The following KCNAB2 variants were observed in gnomAD, a reference collection of about 807,000 sequenced individuals.
KCNAB2 encodes the protein potassium voltage-gated channel subfamily A regulatory beta subunit 2.
A neutral mutation model predicts 63.6 loss-of-function variants in KCNAB2; 29 were observed. That is an observed-to-expected ratio of 0.46 (90% CI 0.34 to 0.62). KCNAB2 has a LOEUF of 0.62. KCNAB2 is among the 20% of genes least tolerant of loss of function. The pLI, the probability that KCNAB2 is intolerant of heterozygous loss-of-function variation, is 0.01. For missense variants in KCNAB2, 359 were observed against 563.9 expected, an observed-to-expected ratio of 0.64 and a Z score of 3.68; for synonymous variants, 222 against 224.2, an observed-to-expected ratio of 0.99 and a Z score of 0.09.
chr1:6,073,235 C>T lies in KCNAB2; in HGVS notation c.262+437C>T, dbSNP rs559764755. On this transcript the variant is annotated intron_variant, in intron 3 of 15. Transcript: ENST00000378083. This position sits in a 1 kb window ranked among gnomAD's most constrained non-coding sequence, Gnocchi z 5.7. Reference sequence around the variant, plus strand: ...GCCTGTTTCCAGAATGTGCAGTCCCCACCTCCCCTCTGCATGCAGTACACA... The same window carrying T: ...GCCTGTTTCCAGAATGTGCAGTCCCTACCTCCCCTCTGCATGCAGTACACA... 6.6e-6 allele frequency among the ~76,000 whole-genome samples: 1 copy of T among 152,126 alleles called. No individual in the cohort carries two copies. The highest frequency in any genetic ancestry group is 1.9e-4 in the East Asian group (1 of 5,168).
chr1:6,078,401 T>TATTTAGTTGACTGCAGAG lies in KCNAB2; in HGVS notation c.301-3792_301-3775dup, dbSNP rs1245787734. On this transcript the variant is annotated intron_variant, in intron 4 of 15. Transcript: ENST00000378083. This position sits in a 1 kb window ranked among gnomAD's most constrained non-coding sequence, Gnocchi z 4.2. ...GGACGTGATACCTTTGGAGAACCATTATTTAGTTGACTGCAGAGAAGAAAG... is the reference window on the plus strand; with the variant it reads ...GGACGTGATACCTTTGGAGAACCATTATTTAGTTGACTGCAGAGATTTAGTTGACTGCAGAGAAGAAAG... Among the ~76,000 whole-genome samples, 3 of 151,406 alleles carry TATTTAGTTGACTGCAGAG rather than the reference T, an allele frequency of 2.0e-5. No individual in the cohort carries two copies. The highest frequency in any genetic ancestry group is 2.0e-4 in the Admixed American group (3 of 15,234).
rs1188773728 is a variant in KCNAB2, at chr1:6,051,654, G to T, written c.118G>T (p.Val40Leu). Reference sequence around the variant, plus strand: ...GCTGGAACTGCAGCGGCTGCGGGAGGTGCGGGCGGCTGCCCAGGCCAGGAA... The same window carrying T: ...GCTGGAACTGCAGCGGCTGCGGGAGTTGCGGGCGGCTGCCCAGGCCAGGAA... ...DTLELQRLRE[V>L]RAAAQARNME... is the part of the protein sequence containing the mutation. The change falls in exon 2 of 16, where the codon GTG becomes TTG. Residue 40 changes from valine (V) to leucine (L), a missense_variant. Coordinates refer to ENST00000378083, the MANE Select transcript of KCNAB2 (RefSeq NM_001199862.2). The T allele has an allele frequency of 6.5e-7, 1 of 1,534,154 alleles. No homozygotes were observed. Among genetic ancestry groups the T allele is most frequent in the Non-Finnish European group, 8.7e-7 (1 of 1,146,686 alleles).
intron 1 of KCNAB2, among the ~76,000 whole-genome samples, chr1:6,020,092 G>A (rs143282196): frequency 3.9e-5 from 6 of 152,272 alleles, no homozygotes; most frequent in South Asian, 2.1e-4. Flanking sequence ...CTGGGGTCCC[G>A]TCTCTGCATG....
chr1:6,073,699 G>T lies in KCNAB2; in HGVS notation c.263-34G>T. 2 of 1,612,852 alleles carry T rather than the reference G, an allele frequency of 1.2e-6. No individual in the cohort carries two copies. Among genetic ancestry groups the T allele is most frequent in the East Asian group, 2.2e-5 (1 of 44,866 alleles). ...GACGGGATAATCTGGCTTCCTGCCA[G>T]GTTCCTAACTTGAGCCCCTGTGTCT... is the stretch of plus-strand genomic sequence containing the variant. On this transcript the variant is annotated intron_variant, in intron 3 of 15. Transcript: ENST00000378083. The surrounding 1 kb of genome is among the most constrained non-coding windows in gnomAD (Gnocchi z 5.7).
chr1:6,001,745 G>A (rs1303061410), intron 1 of KCNAB2, among the ~76,000 whole-genome samples: 1 of 152,158 alleles, frequency 6.6e-6, no homozygotes. Flanking sequence ...ATCCAGTGTG[G>A]GGCAGTGTTG....
intron 1 of KCNAB2, among the ~76,000 whole-genome samples, chr1:6,021,385 G>GTTTCTT (rs572155358): frequency 6.7e-4 from 102 of 152,308 alleles, no homozygotes; most frequent in African/African-American, 2.4e-3. Flanking sequence ...TGATGCAGAA[G>GTTTCTT]TTTCTTTTTC....
At position 6,073,280 on chromosome 1, in the gene KCNAB2, C is replaced by T. The variant is rs1557483741; in HGVS notation, c.263-453C>T. 6.6e-6 allele frequency among the ~76,000 whole-genome samples: 1 copy of T among 152,062 alleles called. No homozygotes were observed. Among genetic ancestry groups the T allele is most frequent in the African/African-American group, 2.4e-5 (1 of 41,418 alleles). On this transcript the variant is annotated intron_variant, in intron 3 of 15. Coordinates refer to ENST00000378083, the MANE Select transcript of KCNAB2 (RefSeq NM_001199862.2). The surrounding 1 kb of genome is among the most constrained non-coding windows in gnomAD (Gnocchi z 5.7). ...TACACACACCCCCACACACACACCGCCCACTGCAGTACACACACCCCGCCC... is the reference window on the plus strand; with the variant it reads ...TACACACACCCCCACACACACACCGTCCACTGCAGTACACACACCCCGCCC...
rs1210130753 is a variant in KCNAB2 at position 6,046,082 on chromosome 1, C to T, written c.-128C>T. On this transcript the variant is annotated 5_prime_UTR_variant, in exon 1 of 16. Coordinates refer to ENST00000378083, the MANE Select transcript of KCNAB2 (RefSeq NM_001199862.2). ...GCTTCTGACGTCCTGCAGTGACACT[C>T]CCTAATGAAAAAGCCGCTGTGCCAG... 1 of 985,314 alleles carries T rather than the reference C, an allele frequency of 1.0e-6. No homozygotes were observed. Among genetic ancestry groups the T allele is most frequent in the African/African-American group, 1.7e-5 (1 of 57,234 alleles). The allele number at this position is 985,314 out of a possible 1,614,324, so 61.0% of individuals were successfully genotyped here. A position where few individuals can be genotyped will look rare whatever the true frequency, so the allele number is the denominator to read the frequency against.
At chr1:6,027,907 G>C (rs375826453) in intron 1 of KCNAB2, among the ~76,000 whole-genome samples, 3 of 152,160 alleles carry the variant, frequency 2.0e-5, no homozygotes, top group Admixed American at 2.0e-4. Flanking sequence ...ATCCTGACTG[G>C]GATCTCCAAT....
In KCNAB2 at chr1:6,086,184, G is replaced by C; in HGVS notation, c.425+936G>C. On this transcript the variant is annotated intron_variant, in intron 6 of 15. Coordinates refer to ENST00000378083, the MANE Select transcript of KCNAB2 (RefSeq NM_001199862.2). This position sits in a 1 kb window ranked among gnomAD's most constrained non-coding sequence, Gnocchi z 4.2. ...AACATCAGAAGCAGTTATAAAGTTGGGCCTCCCTCCTCCCTCCCCTCGAAA... is the reference window on the plus strand; with the variant it reads ...AACATCAGAAGCAGTTATAAAGTTGCGCCTCCCTCCTCCCTCCCCTCGAAA... 1.0e-6 allele frequency: 1 copy of C among 985,332 alleles called. No individual in the cohort carries two copies. The highest frequency in any genetic ancestry group is 1.2e-6 in the Non-Finnish European group (1 of 829,900). The allele number at this position is 985,332 out of a possible 1,614,324, so 61.0% of individuals were successfully genotyped here. A position where few individuals can be genotyped will look rare whatever the true frequency, so the allele number is the denominator to read the frequency against.
At chr1:6,032,692 A>G (rs1280124056), upstream of KCNAB2, among the ~76,000 whole-genome samples, 1 of 152,186 alleles carries the variant, frequency 6.6e-6, no homozygotes, top group African/African-American at 2.4e-5. Context: ...GGCAGACACC[A>G]CCTTAACCAA....
rs1663425595 is a variant in KCNAB2 at position 6,073,754 on chromosome 1, G to T, written c.284G>T (p.Gly95Val). The T allele has an allele frequency of 1.2e-6, 2 of 1,614,172 alleles. No homozygotes were observed. Among genetic ancestry groups the T allele is most frequent in the Non-Finnish European group, 8.5e-7 (1 of 1,180,022 alleles). ...LGLGTWVTFG[G>V]QITDEMAEQL... The stretch of plus-strand genomic sequence containing the variant: ...CCAGGAACATGGGTGACCTTCGGAG[G>T]CCAGATCACCGATGAGGTAAGATGG... The change falls in exon 4 of 16, where the codon GGC becomes GTC. Residue 95 changes from glycine to valine, a missense_variant. Around this residue, in one of 2 missense-constraint regions of KCNAB2, gnomAD observed 271 missense variants for 476.1 expected, o/e 0.57. Transcript: ENST00000378083. This position sits in a 1 kb window ranked among gnomAD's most constrained non-coding sequence, Gnocchi z 5.7.
At chr1:6,027,942 TCTC>T (rs1372950617) in intron 1 of KCNAB2, among the ~76,000 whole-genome samples, 3 of 152,214 alleles carry the variant, frequency 2.0e-5, no homozygotes, top group African/African-American at 4.8e-5. Flanking sequence ...GCACAGTTCT[TCTC>T]CTCGCATTTC....
intron 15 of KCNAB2, 187 bp downstream of exon 15, chr1:6,097,544 C>A: frequency 3.9e-6 from 4 of 1,016,356 alleles, no homozygotes; most frequent in South Asian, 1.4e-5. Flanking sequence ...ACTAACTGCA[C>A]GAAACAAGGA....
chr1:6,041,954 G>T (rs1660534923), upstream of KCNAB2: 8 of 1,251,702 alleles, frequency 6.4e-6, no homozygotes, highest in South Asian at 8.4e-5. Flanking sequence ...TGCCGAGCAG[G>T]GTGTGCTGGT....
In KCNAB2 at chr1:6,096,142, C is replaced by A; in HGVS notation, c.949-494C>A. 2.2e-6 allele frequency: 1 copy of A among 457,520 alleles called. No homozygotes were observed. Among genetic ancestry groups the A allele is most frequent in the East Asian group, 6.9e-5 (1 of 14,418 alleles). 28.3% of individuals were successfully genotyped at this position (457,520 alleles called of 1,614,324 possible). A position where few individuals can be genotyped will look rare whatever the true frequency, so the allele number is the denominator to read the frequency against. On this transcript the variant is annotated intron_variant, in intron 13 of 15. Coordinates refer to ENST00000378083, the MANE Select transcript of KCNAB2 (RefSeq NM_001199862.2). This position sits in a 1 kb window ranked among gnomAD's most constrained non-coding sequence, Gnocchi z 5.9. ...CCAGCCAGCAGTCTCAGCACTGGGG[C>A]CCACAGCCCTGGGTTCCAGGGCAAC...
chr1:6,082,001 G>GT (rs113738933), intron 4 of KCNAB2, among the ~76,000 whole-genome samples, 194 bp from the exon 5 acceptor site: 2,649 of 152,292 alleles, frequency 0.017, 73 homozygotes, highest in African/African-American at 0.061. Context: ...TTCTCAATGG[G>GT]TTTGTTACTG....
chr1:6,087,446 T>A lies in KCNAB2; in HGVS notation c.426-21T>A. On this transcript the variant is annotated intron_variant, in intron 6 of 15. Transcript: ENST00000378083. This position sits in a 1 kb window ranked among gnomAD's most constrained non-coding sequence, Gnocchi z 6.4. Reference sequence around the variant, plus strand: ...CAGGGGCCGGGCTTATCACACCCCTTCTTTCTCTTCTGTTCCACAGGCGGT... The same window carrying A: ...CAGGGGCCGGGCTTATCACACCCCTACTTTCTCTTCTGTTCCACAGGCGGT... 6.2e-7 allele frequency: 1 copy of A among 1,613,868 alleles called. No individual in the cohort carries two copies. Among genetic ancestry groups the A allele is most frequent in the Non-Finnish European group, 8.5e-7 (1 of 1,179,796 alleles).
At chr1:6,017,056 G>A (rs145091007) in intron 1 of KCNAB2, among the ~76,000 whole-genome samples, 132 of 152,204 alleles carry the variant, frequency 8.7e-4, no homozygotes, top group African/African-American at 2.9e-3. Flanking sequence ...AGACAGTGCC[G>A]AGCTCCGTAC....
Sources: allele counts gnomAD v4.1 joint callset (sites outside exome capture counted in the v4.1 genomes callset), GRCh38; gene constraint gnomAD v4.1.1; regional missense constraint gnomAD v4.1.1; non-coding constraint Gnocchi (gnomAD v3.1); transcripts MANE v1.5; gene names NCBI Gene and HGNC (gene_info 2026-07-23, HGNC 2026-07-21).